The following LAMA3 variants were observed in gnomAD, a reference collection of about 807,000 sequenced individuals.
The protein encoded by LAMA3 is laminin subunit alpha-3.
A neutral mutation model predicts 402.0 loss-of-function variants in LAMA3; 281 were observed. The ratio of observed to expected loss-of-function variants is 0.70; its 90% CI spans 0.63 to 0.77. LAMA3 has a LOEUF of 0.77. Ranked by LOEUF, LAMA3 falls within the 30% of genes least tolerant of loss-of-function variation. LAMA3 has a pLI of 0.00. For missense variants in LAMA3, 3,840 were observed against 4,215.5 expected (o/e 0.91, Z 2.47); for synonymous variants, 1,431 against 1,558.4 (o/e 0.92, Z 1.93).
intron 13 of LAMA3, among the ~76,000 whole-genome samples, chr18:23,812,209 G>A (rs1300691646): frequency 6.6e-6 from 1 of 152,186 alleles, no homozygotes; most frequent in Non-Finnish European, 1.5e-5. Flanking sequence ...GGGCATGGTG[G>A]TGCATGCCTG....
At chr18:23,889,894 C>G (rs2080593316) in intron 41 of LAMA3, 117 bp from the exon 42 acceptor site, 2 of 792,824 alleles carry the variant, frequency 2.5e-6, no homozygotes, top group South Asian at 2.7e-5. Flanking sequence ...AGATCTATGT[C>G]GGTCTTCCAC....
At position 23,861,996 on chromosome 18, in the gene LAMA3, C is replaced by T. The variant is rs1468123731; in HGVS notation, c.4584+189C>T. Among the ~76,000 whole-genome samples the T allele has an allele frequency of 3.9e-5, 6 of 152,300 alleles. No homozygotes were observed. In the East Asian group the frequency reaches 5.8e-4, roughly 15 times the overall value. ...TGAGGGGCTGAGCAGGCACACACTGCGCCCCACCATTGCCATGCATGAGCT... is the reference window on the plus strand; with the variant it reads ...TGAGGGGCTGAGCAGGCACACACTGTGCCCCACCATTGCCATGCATGAGCT... On this transcript the variant is annotated intron_variant, in intron 35 of 74. Transcript: ENST00000313654.
At chr18:23,781,154 A>G in intron 11 of LAMA3, 2 of 335,376 alleles carry the variant, frequency 6.0e-6, no homozygotes, top group South Asian at 4.5e-5. Flanking sequence ...GTAAAGTCCA[A>G]GTTTTTCACT....
intron 48 of LAMA3, among the ~76,000 whole-genome samples, chr18:23,902,663 C>T (rs2081112165): frequency 6.6e-6 from 1 of 152,188 alleles, no homozygotes. Flanking sequence ...TTGGTACTGG[C>T]TGATGGTTAG....
chr18:23,816,590 G>T (rs1401593132), intron 18 of LAMA3, 103 bp downstream of exon 18: 13 of 960,424 alleles, frequency 1.4e-5, no homozygotes, highest in Non-Finnish European at 2.1e-5. Context: ...CAGCCCTAAA[G>T]ATCGAGGTCA....
At chr18:23,730,368 C>CT (rs11362144) in intron 2 of LAMA3, among the ~76,000 whole-genome samples, 1,319 of 118,646 alleles carry the variant, frequency 0.011, 14 homozygotes, top group African/African-American at 0.019. Flanking sequence ...CTTTTTCTTT[C>CT]TTTTTTTTTT....
At chr18:23,940,911 T>A (rs575896574) in intron 68 of LAMA3, among the ~76,000 whole-genome samples, 8 of 150,860 alleles carry the variant, frequency 5.3e-5, no homozygotes, top group Admixed American at 5.3e-4. Flanking sequence ...AAGCTGACCT[T>A]AATGACAATG....
intron 21 of LAMA3, among the ~76,000 whole-genome samples, chr18:23,825,412 C>A (rs867682763): frequency 6.6e-6 from 1 of 152,174 alleles, no homozygotes; most frequent in Non-Finnish European, 1.5e-5. Flanking sequence ...TCAGGCACAA[C>A]CCTGTTTATT....
intron 72 of LAMA3, 116 bp from the exon 73 acceptor site, chr18:23,951,568 A>G: frequency 5.3e-6 from 4 of 748,766 alleles, no homozygotes; most frequent in South Asian, 4.4e-5. Context: ...AGGAGGGCCA[A>G]TATCTAATGT....
At chr18:23,810,942 G>A (rs957661480) in intron 13 of LAMA3, among the ~76,000 whole-genome samples, 5 of 152,170 alleles carry the variant, frequency 3.3e-5, no homozygotes, top group African/African-American at 1.2e-4. Flanking sequence ...TTGCCAGCAG[G>A]CTTAGCAGGA....
At chr18:23,819,619 A>G (rs1385598525) in intron 18 of LAMA3, among the ~76,000 whole-genome samples, 1 of 152,174 alleles carries the variant, frequency 6.6e-6, no homozygotes, top group Non-Finnish European at 1.5e-5. Flanking sequence ...TTCTCATCTT[A>G]ATGCTTGGAA....
At chr18:23,847,266 G>T (rs2063837393) in intron 31 of LAMA3, among the ~76,000 whole-genome samples, 198 bp from the exon 32 acceptor site, 2 of 152,190 alleles carry the variant, frequency 1.3e-5, no homozygotes, top group Admixed American at 1.3e-4. Context: ...GATCTGGCTG[G>T]CTCCTCAATC....
At chr18:23,815,357 C>A in intron 16 of LAMA3, 111 bp from the exon 17 acceptor site, 2 of 1,353,190 alleles carry the variant, frequency 1.5e-6, no homozygotes, top group South Asian at 1.2e-5. Context: ...TAATCCTTTC[C>A]AGATCCTGGC....
chr18:23,818,682 C>A (rs2063224395), intron 18 of LAMA3, among the ~76,000 whole-genome samples: 1 of 152,130 alleles, frequency 6.6e-6, no homozygotes, highest in Admixed American at 6.5e-5. Flanking sequence ...AAAGAAAAAT[C>A]TTCATTTCTC....
rs1797428864 is a variant in LAMA3, at chr18:23,798,224, G to A, written c.1604-12142G>A. Among the ~76,000 whole-genome samples, 3 of 152,050 alleles carry A rather than the reference G, an allele frequency of 2.0e-5. No individual in the cohort carries two copies. The South Asian group carries it at 6.2e-4, about 32-fold the overall frequency. ...AGCTAGTTAGTACTGGGAACAGAGG[G>A]TAGGAAGGCAGGAATGCGGAAACGG... On this transcript the variant is annotated intron_variant, in intron 12 of 74. Transcript: ENST00000313654.
chr18:23,774,279 G>C (rs1448353519), intron 9 of LAMA3, among the ~76,000 whole-genome samples: 2 of 152,142 alleles, frequency 1.3e-5, no homozygotes, highest in Non-Finnish European at 2.9e-5. Flanking sequence ...GAGTTCATAA[G>C]GATTTAATAA....
chr18:23,872,208 C>T (rs1204068733), intron 38 of LAMA3, among the ~76,000 whole-genome samples: 1 of 152,196 alleles, frequency 6.6e-6, no homozygotes, highest in Non-Finnish European at 1.5e-5. Context: ...CGGAGCCTCC[C>T]TCTACCCACT....
chr18:23,785,003 A>C (rs2144019684), intron 12 of LAMA3, among the ~76,000 whole-genome samples: 1 of 152,342 alleles, frequency 6.6e-6, no homozygotes, highest in Non-Finnish European at 1.5e-5. Context: ...AGCAGGCTCT[A>C]GGCTGGGCTT....
At chr18:23,903,867 T>C in intron 49 of LAMA3, 66 bp from the exon 50 acceptor site, 1 of 1,301,836 alleles carries the variant, frequency 7.7e-7, no homozygotes, top group Non-Finnish European at 1.1e-6. Flanking sequence ...ATGATAGAGT[T>C]TGAGAAATCA....
Sources: allele counts gnomAD v4.1 joint callset (sites outside exome capture counted in the v4.1 genomes callset), GRCh38; gene constraint gnomAD v4.1.1; transcripts MANE v1.5; gene names NCBI Gene and HGNC (gene_info 2026-07-23, HGNC 2026-07-21).